STK39: variants seen among roughly 807,000 people sequenced by gnomAD.
The protein encoded by STK39 is STE20/SPS1-related proline-alanine-rich protein kinase.
STK39 carries 20 observed loss-of-function variants against 77.8 expected under a neutral mutation model. The ratio of observed to expected loss-of-function variants is 0.26; its 90% CI spans 0.18 to 0.37. The LOEUF is 0.37. Among genes scored for constraint, STK39 ranks in the 10% least tolerant of loss-of-function variants. The pLI is 1.00. For missense variants in STK39, 479 were observed against 656.5 expected (o/e 0.73, Z 2.95); for synonymous variants, 246 against 234.1 (o/e 1.05, Z -0.47).
At chr2:168,204,490 CCAGGGAAGG>C (rs1368372520) in intron 1 of STK39, among the ~76,000 whole-genome samples, 5 of 152,184 alleles carry the variant, frequency 3.3e-5, no homozygotes, top group African/African-American at 1.2e-4. Context: ...CAACCCCTGC[CCAGGGAAGG>C]CAAGACCTGG....
intron 1 of STK39, among the ~76,000 whole-genome samples, chr2:168,199,792 C>T (rs183384493): frequency 0.017 from 2,510 of 151,802 alleles, 67 homozygotes; most frequent in African/African-American, 0.057. Flanking sequence ...GGATTACAGG[C>T]GTGAGCCACC....
chr2:168,098,047 G>T (rs888273523), intron 10 of STK39, among the ~76,000 whole-genome samples: 1 of 152,102 alleles, frequency 6.6e-6, no homozygotes, highest in Non-Finnish European at 1.5e-5. Flanking sequence ...AATCATATGG[G>T]GTAAGTGAAA....
At chr2:168,026,506 A>T (rs190705913) in intron 14 of STK39, among the ~76,000 whole-genome samples, 1 of 152,342 alleles carries the variant, frequency 6.6e-6, no homozygotes, top group East Asian at 1.9e-4. Flanking sequence ...ATAAATCATT[A>T]TTGATCACCT....
intron 2 of STK39, among the ~76,000 whole-genome samples, chr2:168,168,844 G>T (rs1039200462): frequency 6.6e-5 from 10 of 152,146 alleles, no homozygotes; most frequent in African/African-American, 1.9e-4. Context: ...TTAGCTGAGT[G>T]TGGTGGTGTG....
intron 10 of STK39, among the ~76,000 whole-genome samples, chr2:168,084,493 G>A (rs886883530): frequency 6.6e-6 from 1 of 152,210 alleles, no homozygotes; most frequent in Non-Finnish European, 1.5e-5. Flanking sequence ...AAGGTTGTCA[G>A]TGAGGGCTTA....
intron 5 of STK39, among the ~76,000 whole-genome samples, chr2:168,154,782 C>A (rs1403744017): frequency 2.0e-5 from 3 of 152,134 alleles, no homozygotes; most frequent in African/African-American, 4.8e-5. Context: ...TAGAACATAG[C>A]AAATGCTCAA....
intron 1 of STK39, among the ~76,000 whole-genome samples, chr2:168,222,871 CA>C (rs1690210339): frequency 6.6e-6 from 1 of 152,126 alleles, no homozygotes; most frequent in Admixed American, 6.5e-5. Flanking sequence ...AATACCTGTC[CA>C]TTGGGTTGTT....
At chr2:168,190,887 A>G (rs900629326) in intron 1 of STK39, among the ~76,000 whole-genome samples, 1 of 152,186 alleles carries the variant, frequency 6.6e-6, no homozygotes, top group African/African-American at 2.4e-5. Flanking sequence ...AGCAAAACCC[A>G]CTTGTTTTAC....
chr2:168,083,061 T>C (rs1368497520), intron 10 of STK39, among the ~76,000 whole-genome samples: 1 of 152,228 alleles, frequency 6.6e-6, no homozygotes, highest in Non-Finnish European at 1.5e-5. Flanking sequence ...AATCTATTTA[T>C]CTATTTATAA....
At chr2:168,211,403 C>A (rs1574559531) in intron 1 of STK39, among the ~76,000 whole-genome samples, 2 of 152,172 alleles carry the variant, frequency 1.3e-5, no homozygotes, top group East Asian at 3.8e-4. Flanking sequence ...CAGGTACTCA[C>A]CACATATGTG....
At chr2:168,017,377 A>ATTTTTTTTTT (rs386391743) in intron 14 of STK39, among the ~76,000 whole-genome samples, 2 of 93,592 alleles carry the variant, frequency 2.1e-5, no homozygotes, top group Admixed American at 1.2e-4. Context: ...GGAAACCTTA[A>ATTTTTTTTTT]TTTTTTTTTT....
At chr2:168,040,621 C>A (rs1685078615) in intron 14 of STK39, among the ~76,000 whole-genome samples, 1 of 152,176 alleles carries the variant, frequency 6.6e-6, no homozygotes, top group African/African-American at 2.4e-5. Context: ...CAGATTTCTT[C>A]ACCTAGAATT....
intron 16 of STK39, among the ~76,000 whole-genome samples, chr2:168,009,053 G>C (rs1353902043): frequency 2.0e-5 from 3 of 152,166 alleles, no homozygotes; most frequent in Non-Finnish European, 4.4e-5. Flanking sequence ...AATTTGAGTG[G>C]AGTAGGAAGG....
intron 12 of STK39, among the ~76,000 whole-genome samples, chr2:168,067,400 A>C (rs1287604626): frequency 6.6e-6 from 1 of 151,006 alleles, no homozygotes; most frequent in African/African-American, 2.4e-5. Flanking sequence ...CCTCCTTCCC[A>C]CTCTCTCTGT....
chr2:168,231,636 T>C (rs1286065397), intron 1 of STK39, among the ~76,000 whole-genome samples: 2 of 151,934 alleles, frequency 1.3e-5, no homozygotes, highest in Non-Finnish European at 2.9e-5. Flanking sequence ...AGGGAGAACA[T>C]ATCAATATGG....
At chr2:168,029,756 G>C (rs970931819) in intron 14 of STK39, among the ~76,000 whole-genome samples, 6 of 152,182 alleles carry the variant, frequency 3.9e-5, no homozygotes, top group African/African-American at 1.4e-4. Context: ...ATTAGACATA[G>C]ATCTTTCCCC....
At chr2:168,113,485 G>A (rs1354592178) in intron 10 of STK39, among the ~76,000 whole-genome samples, 2 of 152,214 alleles carry the variant, frequency 1.3e-5, no homozygotes, top group Non-Finnish European at 2.9e-5. Context: ...GACATTCAGA[G>A]TGAAAAAAGA....
chr2:168,033,231 CAAGT>C (rs1684870353), intron 14 of STK39, among the ~76,000 whole-genome samples: 1 of 151,176 alleles, frequency 6.6e-6, no homozygotes, highest in Admixed American at 6.6e-5. Context: ...AATAAACACT[CAAGT>C]AACACCAGCA....
At chr2:168,226,715 A>G (rs1483729488) in intron 1 of STK39, among the ~76,000 whole-genome samples, 2 of 151,592 alleles carry the variant, frequency 1.3e-5, no homozygotes, top group Admixed American at 6.6e-5. Flanking sequence ...TTCTCACTAT[A>G]ACTCCCTCTT....
Sources: gnomAD v4.1 joint callset for allele counts (sites outside exome capture counted in the v4.1 genomes callset) on GRCh38, gnomAD v4.1.1 for gene constraint, MANE v1.5 for transcripts, NCBI Gene and HGNC (gene_info 2026-07-23, HGNC 2026-07-21) for gene names.